Variants in GREB1L observed in about 807,000 individuals in gnomAD.
The protein encoded by GREB1L is GREB1 like retinoic acid receptor coactivator, also known as GREB1-like protein.
A neutral mutation model predicts 200.8 loss-of-function variants in GREB1L; 17 were observed. The observed-to-expected ratio is 0.08, with a 90% CI of 0.06 to 0.13. The LOEUF (loss-of-function observed/expected upper bound fraction) is 0.13. Ranked by LOEUF, GREB1L falls within the 10% of genes least tolerant of loss-of-function variation. GREB1L has a pLI of 1.00. For synonymous variants in GREB1L, 789 were observed against 893.0 expected (o/e 0.88, Z 2.08); for missense variants, 1,657 against 2,367.7 (o/e 0.70, Z 6.23).
At chr18:21,425,253 T>C (rs1484256984) in intron 7 of GREB1L, among the ~76,000 whole-genome samples, 2 of 152,030 alleles carry the variant, frequency 1.3e-5, no homozygotes, top group Non-Finnish European at 2.9e-5. Flanking sequence ...CATAAACCTA[T>C]GTTTATCCAT....
intron 1 of GREB1L, among the ~76,000 whole-genome samples, chr18:21,347,573 A>G (rs1232643754): frequency 6.6e-6 from 1 of 151,432 alleles, no homozygotes; most frequent in Non-Finnish European, 1.5e-5. Flanking sequence ...CTCCTGCCTC[A>G]GCCTCCCAAG....
At chr18:21,305,196 G>C (rs886976836) in intron 1 of GREB1L, among the ~76,000 whole-genome samples, 1 of 151,980 alleles carries the variant, frequency 6.6e-6, no homozygotes, top group African/African-American at 2.4e-5. Context: ...GGATGGTCTC[G>C]ATCTCTTGAC....
At chr18:21,290,464 G>C (rs1043896985) in intron 1 of GREB1L, among the ~76,000 whole-genome samples, 5 of 152,156 alleles carry the variant, frequency 3.3e-5, no homozygotes, top group African/African-American at 1.2e-4. Context: ...CTACTGGGCA[G>C]ATGGTTCCAT....
At chr18:21,245,918 T>C (rs562403968) in intron 1 of GREB1L, among the ~76,000 whole-genome samples, 3 of 152,228 alleles carry the variant, frequency 2.0e-5, no homozygotes, top group South Asian at 2.1e-4. Context: ...GGGGTTTCAC[T>C]GTGTTGCAGG....
chr18:21,259,835 C>T (rs1384046263), intron 1 of GREB1L, among the ~76,000 whole-genome samples: 9 of 151,708 alleles, frequency 5.9e-5, no homozygotes, highest in Non-Finnish European at 1.3e-4. Context: ...TATTAAGGTA[C>T]CTATAAATAA....
chr18:21,278,380 C>CA lies in GREB1L; in HGVS notation c.-120+35999dup, dbSNP rs550496435. 2.5e-3 allele frequency among the ~76,000 whole-genome samples: 261 copies of CA among 106,316 alleles called. 1 individual carries two copies. The highest frequency in any genetic ancestry group is 0.019 in the Middle Eastern group (4 of 214). 69.7% of individuals were successfully genotyped at this position (106,316 alleles called of 152,430 possible). A position where few individuals can be genotyped will look rare whatever the true frequency, so the allele number is the denominator to read the frequency against. On this transcript the variant is annotated intron_variant, in intron 1 of 32. Transcript: ENST00000424526. The stretch of plus-strand genomic sequence containing the variant: ...GGGCAACAAGAGCAAGACTCCATCT[C>CA]AAAAAAAAAAAATAAATAAATAAAT...
intron 17 of GREB1L, among the ~76,000 whole-genome samples, chr18:21,478,471 A>G (rs1385814077): frequency 6.6e-6 from 1 of 152,240 alleles, no homozygotes; most frequent in Non-Finnish European, 1.5e-5. Flanking sequence ...AAAAACACCA[A>G]AAATGTCTTA....
chr18:21,333,596 A>G (rs1013865773), intron 1 of GREB1L, among the ~76,000 whole-genome samples: 3 of 150,492 alleles, frequency 2.0e-5, no homozygotes, highest in African/African-American at 4.9e-5. Flanking sequence ...AATCGCTTGA[A>G]CCCAGGAGGT....
intron 1 of GREB1L, among the ~76,000 whole-genome samples, chr18:21,348,517 G>C (rs1015188292): frequency 6.6e-6 from 1 of 152,078 alleles, no homozygotes; most frequent in African/African-American, 2.4e-5. Context: ...GCTCATGTCT[G>C]TAATCTCAGC....
In GREB1L at chr18:21,386,086, A is replaced by G. The variant is rs11875587; in HGVS notation, c.355+1683A>G. On this transcript the variant is annotated intron_variant, in intron 4 of 32. Coordinates refer to ENST00000424526, the MANE Select transcript of GREB1L (RefSeq NM_001142966.3). ...GGTAATATCATTTTAAAGATAAAGGAGGTGCAGTTTTTTTAACTGTCTCAC... is the reference window on the plus strand; with the variant it reads ...GGTAATATCATTTTAAAGATAAAGGGGGTGCAGTTTTTTTAACTGTCTCAC... Among the ~76,000 whole-genome samples the G allele has an allele frequency of 8.0e-3, 1,217 of 152,224 alleles. 15 individuals carry two copies. The highest frequency in any genetic ancestry group is 0.028 in the African/African-American group (1,144 of 41,508).
intron 1 of GREB1L, among the ~76,000 whole-genome samples, chr18:21,344,146 A>G (rs1380372769): frequency 1.3e-5 from 2 of 152,186 alleles, no homozygotes; most frequent in Non-Finnish European, 2.9e-5. Flanking sequence ...TCACGCCTGT[A>G]ATGCCAGAAC....
At chr18:21,276,924 C>CTTT (rs573871373) in intron 1 of GREB1L, among the ~76,000 whole-genome samples, 16 of 107,664 alleles carry the variant, frequency 1.5e-4, no homozygotes, top group South Asian at 3.0e-4. Context: ...CAGCCCAGCC[C>CTTT]TTTTTTTTTT....
intron 1 of GREB1L, among the ~76,000 whole-genome samples, chr18:21,268,550 CACACACACACATATATATATATATAT>C (rs2038017604): frequency 1.0e-5 from 1 of 99,172 alleles, no homozygotes; most frequent in African/African-American, 5.3e-5. Context: ...CACACACACA[CACACACACACATATATATATATATAT>C]ATATATATAT....
intron 1 of GREB1L, among the ~76,000 whole-genome samples, chr18:21,255,391 G>A (rs186441507): frequency 6.6e-6 from 1 of 152,276 alleles, no homozygotes. Context: ...CTACTGTATT[G>A]GATAATGAAG....
intron 1 of GREB1L, among the ~76,000 whole-genome samples, chr18:21,301,428 C>T (rs2038615685): frequency 6.6e-6 from 1 of 152,114 alleles, no homozygotes; most frequent in South Asian, 2.1e-4. Context: ...CCCAGTTACC[C>T]CTTCCCAGTT....
At chr18:21,434,123 G>A (rs1380994979) in intron 7 of GREB1L, among the ~76,000 whole-genome samples, 1 of 152,030 alleles carries the variant, frequency 6.6e-6, no homozygotes, top group Non-Finnish European at 1.5e-5. Context: ...GAGTTGGTTT[G>A]CATGACACTT....
At chr18:21,303,007 C>G (rs139823355) in intron 1 of GREB1L, among the ~76,000 whole-genome samples, 2,230 of 152,206 alleles carry the variant, frequency 0.015, 27 homozygotes, top group Middle Eastern at 0.068. Flanking sequence ...AGGCATGAAC[C>G]ACTGTGCCCG....
intron 1 of GREB1L, among the ~76,000 whole-genome samples, chr18:21,319,799 C>G (rs1174928424): frequency 1.3e-5 from 2 of 152,070 alleles, no homozygotes; most frequent in Non-Finnish European, 2.9e-5. Context: ...AAAGGAGCAC[C>G]CTTAGAGGCA....
chr18:21,259,385 A>G (rs2037854336), intron 1 of GREB1L, among the ~76,000 whole-genome samples: 1 of 152,196 alleles, frequency 6.6e-6, no homozygotes, highest in Admixed American at 6.5e-5. Flanking sequence ...GAAATTAACA[A>G]TAAGTAAGCT....
Sources: gnomAD v4.1 joint callset for allele counts (sites outside exome capture counted in the v4.1 genomes callset) on GRCh38, gnomAD v4.1.1 for gene constraint, MANE v1.5 for transcripts, NCBI Gene and HGNC (gene_info 2026-07-23, HGNC 2026-07-21) for gene names.